LSAMP: variants seen among roughly 807,000 people sequenced by gnomAD.
LSAMP encodes limbic system associated membrane protein.
In LSAMP, 7 loss-of-function variants were observed where a neutral mutation model predicts 38.6. That is an observed-to-expected ratio of 0.18 (90% confidence interval 0.10 to 0.34). The LOEUF (loss-of-function observed/expected upper bound fraction) is 0.34, where lower values mean the gene tolerates loss of function less well. Ranked by LOEUF, LSAMP falls within the 10% of genes least tolerant of loss-of-function variation. The pLI is 1.00. For missense variants in LSAMP, 313 were observed against 420.0 expected (o/e 0.75, Z 2.23); for synonymous variants, 154 against 166.8 (o/e 0.92, Z 0.59).
intron 1 of LSAMP, among the ~76,000 whole-genome samples, chr3:116,403,343 T>C (rs564287464): frequency 4.3e-4 from 66 of 152,328 alleles, no homozygotes; most frequent in African/African-American, 1.5e-3. Context: ...AAGGTATTTC[T>C]ATTTCCATAA....
At chr3:116,300,972 A>G (rs555425576) in intron 1 of LSAMP, among the ~76,000 whole-genome samples, 13 of 151,972 alleles carry the variant, frequency 8.6e-5, no homozygotes, top group Admixed American at 6.5e-4. Context: ...AAATAAATAT[A>G]ATAAATATTA....
intron 1 of LSAMP, among the ~76,000 whole-genome samples, chr3:116,200,346 A>T (rs938983524): frequency 1.1e-4 from 17 of 152,240 alleles, no homozygotes; most frequent in African/African-American, 3.9e-4. Context: ...GGATGGTATC[A>T]TCTGGATATT....
chr3:116,315,917 T>A (rs1469562740), intron 1 of LSAMP, among the ~76,000 whole-genome samples: 1 of 152,214 alleles, frequency 6.6e-6, no homozygotes, highest in South Asian at 2.1e-4. Flanking sequence ...TTCAACTACA[T>A]GTTCAGAAAC....
At chr3:116,405,233 C>T (rs780961049) in intron 1 of LSAMP, among the ~76,000 whole-genome samples, 1 of 152,118 alleles carries the variant, frequency 6.6e-6, no homozygotes, top group Non-Finnish European at 1.5e-5. Context: ...GTCTGGGTTG[C>T]AGTTTGGGGG....
chr3:115,873,060 A>T (rs1936088831), intron 3 of LSAMP, among the ~76,000 whole-genome samples: 1 of 152,118 alleles, frequency 6.6e-6, no homozygotes, highest in African/African-American at 2.4e-5. Flanking sequence ...ATAAAGCTAC[A>T]AATTAGTGGA....
At chr3:116,336,492 T>G (rs2047920956) in intron 1 of LSAMP, among the ~76,000 whole-genome samples, 1 of 151,854 alleles carries the variant, frequency 6.6e-6, no homozygotes, top group African/African-American at 2.4e-5. Flanking sequence ...AATAAGCACG[T>G]GAAAAGATGC....
intron 1 of LSAMP, among the ~76,000 whole-genome samples, chr3:116,290,099 T>C (rs1489624321): frequency 8.6e-5 from 13 of 152,028 alleles, no homozygotes; most frequent in African/African-American, 2.9e-4. Flanking sequence ...GCTTTTTGTA[T>C]CAATCAATCT....
At chr3:116,199,704 G>A (rs2045963434) in intron 1 of LSAMP, among the ~76,000 whole-genome samples, 1 of 152,168 alleles carries the variant, frequency 6.6e-6, no homozygotes. Context: ...CAGTCAAGTA[G>A]AGTGAGATTA....
At position 116,140,879 on chromosome 3, in the gene LSAMP, G is replaced by GGAAAAGAAGAATAGGAA. The variant is rs1709353840; in HGVS notation, c.156-54340_156-54324dup. The stretch of plus-strand genomic sequence containing the variant: ...CAACCCAAAGGAAATTCAGGTTTCT[G>GGAAAAGAAGAATAGGAA]GAAAAGAAGAATAGGAAGAAAAGAA... On this transcript the variant is annotated intron_variant, in intron 1 of 6. Coordinates refer to ENST00000490035, the MANE Select transcript of LSAMP (RefSeq NM_002338.5). Among the ~76,000 whole-genome samples, 6 of 151,998 alleles carry GGAAAAGAAGAATAGGAA rather than the reference G, an allele frequency of 3.9e-5. No individual in the cohort carries two copies. In the South Asian group the frequency reaches 1.0e-3, roughly 26 times the overall value.
chr3:116,128,010 G>GTGA (rs1188061223), intron 1 of LSAMP, among the ~76,000 whole-genome samples: 2 of 152,084 alleles, frequency 1.3e-5, no homozygotes, highest in African/African-American at 4.8e-5. Context: ...GCCAAATTAG[G>GTGA]TGATTGGGAC....
At chr3:116,364,132 T>G (rs1441097332) in intron 1 of LSAMP, among the ~76,000 whole-genome samples, 1 of 50,924 alleles carries the variant, frequency 2.0e-5, no homozygotes, top group East Asian at 4.0e-4. Flanking sequence ...CAGCCCAAAA[T>G]CTCCTTAAGC....
intron 3 of LSAMP, among the ~76,000 whole-genome samples, chr3:115,940,920 CT>C (rs762661796): frequency 2.0e-5 from 3 of 152,126 alleles, no homozygotes; most frequent in Non-Finnish European, 4.4e-5. Flanking sequence ...TATTCAGGGT[CT>C]TTTCTAGTTC....
At chr3:116,190,893 A>T (rs991007682) in intron 1 of LSAMP, among the ~76,000 whole-genome samples, 1 of 152,126 alleles carries the variant, frequency 6.6e-6, no homozygotes, top group Non-Finnish European at 1.5e-5. Flanking sequence ...CAGCTTCAAC[A>T]TGTGCTACTC....
intron 1 of LSAMP, among the ~76,000 whole-genome samples, chr3:116,267,107 A>G (rs1271979373): frequency 6.6e-6 from 1 of 152,186 alleles, no homozygotes; most frequent in Admixed American, 6.6e-5. Flanking sequence ...AGAGCAGGAA[A>G]AGTAGACTCC....
In LSAMP at chr3:116,179,480, C is replaced by T. The variant is rs74443089; in HGVS notation, c.156-92924G>A. 5.0e-3 allele frequency among the ~76,000 whole-genome samples: 756 copies of T among 152,094 alleles called. 2 individuals carry two copies. The highest frequency in any genetic ancestry group is 0.017 in the African/African-American group (720 of 41,482). On this transcript the variant is annotated intron_variant, in intron 1 of 6. Transcript: ENST00000490035. ...TCTCATACTGCTATAAACAAATACACGAAACTGGGTAATTTATAAAGAGAA... is the reference window on the plus strand; with the variant it reads ...TCTCATACTGCTATAAACAAATACATGAAACTGGGTAATTTATAAAGAGAA...
chr3:116,008,022 T>G, intron 3 of LSAMP, among the ~76,000 whole-genome samples: 1 of 152,200 alleles, frequency 6.6e-6, no homozygotes. Context: ...GAAACTCTGG[T>G]TTTATTAGCA....
chr3:115,818,506 T>C (rs1934103208), intron 6 of LSAMP, among the ~76,000 whole-genome samples: 1 of 151,980 alleles, frequency 6.6e-6, no homozygotes, highest in South Asian at 2.1e-4. Context: ...TCATCATCTC[T>C]AAAATGAGTT....
At chr3:116,206,057 A>C (rs1434797206) in intron 1 of LSAMP, among the ~76,000 whole-genome samples, 2 of 151,908 alleles carry the variant, frequency 1.3e-5, no homozygotes, top group African/African-American at 4.8e-5. Context: ...TTGGTAAACT[A>C]TTGATTATTG....
chr3:116,112,191 T>C (rs1299119858), intron 1 of LSAMP, among the ~76,000 whole-genome samples: 1 of 152,210 alleles, frequency 6.6e-6, no homozygotes, highest in East Asian at 1.9e-4. Flanking sequence ...GCTTTTTGTG[T>C]GGAAGTTCAA....
Sources: allele counts gnomAD v4.1 joint callset (sites outside exome capture counted in the v4.1 genomes callset), GRCh38; gene constraint gnomAD v4.1.1; transcripts MANE v1.5; gene names NCBI Gene and HGNC (gene_info 2026-07-23, HGNC 2026-07-21).